The following DYM variants were observed in gnomAD, a reference collection of about 807,000 sequenced individuals.
DYM encodes the protein dyggve-Melchior-Clausen syndrome protein.
Under a neutral mutation model 93.1 loss-of-function variants are expected in DYM, and 78 were observed. The observed-to-expected ratio is 0.84, with a 90% CI of 0.70 to 1.01. The LOEUF is 1.01. Ranked by LOEUF, DYM falls within the 50% of genes least tolerant of loss-of-function variation. The probability of loss-of-function intolerance (pLI) is 0.00; values close to 1 mark genes in which losing one functional copy is unlikely to be tolerated. For synonymous variants in DYM, 321 were observed against 319.7 expected (o/e 1.00, Z -0.04); for missense variants, 789 against 845.0 (o/e 0.93, Z 0.82).
intron 13 of DYM, among the ~76,000 whole-genome samples, chr18:49,249,380 CAT>C (rs1006046890): frequency 2.0e-4 from 31 of 151,920 alleles, no homozygotes; most frequent in African/African-American, 6.5e-4. Context: ...TTGAATTGTG[CAT>C]GTGTGTGTGT....
chr18:49,124,459 T>C (rs890089667), intron 15 of DYM, among the ~76,000 whole-genome samples: 1 of 149,498 alleles, frequency 6.7e-6, no homozygotes, highest in African/African-American at 2.5e-5. Context: ...CAGTGAGCTA[T>C]GATCATGCCA....
intron 17 of DYM, among the ~76,000 whole-genome samples, chr18:49,063,959 AG>A (rs774962993): frequency 6.6e-6 from 1 of 152,152 alleles, no homozygotes; most frequent in Non-Finnish European, 1.5e-5. Flanking sequence ...CCTAAGAGAA[AG>A]GGGTGAGTTT....
intron 1 of DYM, among the ~76,000 whole-genome samples, chr18:49,455,210 A>G (rs2082879713): frequency 6.6e-6 from 1 of 152,136 alleles, no homozygotes; most frequent in African/African-American, 2.4e-5. Context: ...TACACTTACA[A>G]TCCAAAATAT....
intron 2 of DYM, among the ~76,000 whole-genome samples, chr18:49,428,304 AAAAG>A (rs1427440659): frequency 6.6e-6 from 1 of 152,088 alleles, no homozygotes; most frequent in Admixed American, 6.6e-5. Flanking sequence ...AGAAGAAAAA[AAAAG>A]AAAGAAGCCA....
rs1214670210 is a variant in DYM at position 49,440,494 on chromosome 18, AAT to A, written c.-53-10049_-53-10048del. Among the ~76,000 whole-genome samples, 2 of 81,190 alleles carry A rather than the reference AAT, an allele frequency of 2.5e-5. 1 individual carries two copies. Among genetic ancestry groups the A allele is most frequent in the East Asian group, 9.4e-4 (2 of 2,124 alleles). 53.3% of individuals were successfully genotyped at this position (81,190 alleles called of 152,430 possible). ...ATGACTATATATTATATATTTATAT[AAT>A]ATATGACTATATATTATATATTTAT... On this transcript the variant is annotated intron_variant, in intron 1 of 17. Transcript: ENST00000675505.
At chr18:49,448,799 G>A (rs902388841) in intron 1 of DYM, among the ~76,000 whole-genome samples, 5 of 152,198 alleles carry the variant, frequency 3.3e-5, no homozygotes, top group Admixed American at 6.5e-5. Flanking sequence ...CTTTGACCCT[G>A]AAACTTTAAA....
Position 49,231,397 on chromosome 18 carries a change from T to A in DYM, c.1461-21682A>T, listed in dbSNP as rs558539741. ...GAGAACAAAACACAGAACCTGAAAA[T>A]GATTGCTTTAAAGTAAAAGGTATCA... On this transcript the variant is annotated intron_variant, in intron 13 of 17. Coordinates refer to ENST00000675505, the MANE Select transcript of DYM (RefSeq NM_001353214.3). Among the ~76,000 whole-genome samples, 5 of 152,196 alleles carry A rather than the reference T, an allele frequency of 3.3e-5. 1 individual carries two copies. Among genetic ancestry groups the A allele is most frequent in the Non-Finnish European group, 5.9e-5 (4 of 68,016 alleles).
chr18:49,155,728 C>T (rs551570807), intron 15 of DYM, among the ~76,000 whole-genome samples: 7 of 152,292 alleles, frequency 4.6e-5, no homozygotes, highest in South Asian at 2.1e-4. Context: ...TCCTTTTTAT[C>T]GTATGATGCA....
intron 1 of DYM, among the ~76,000 whole-genome samples, chr18:49,449,092 C>G (rs1225573404): frequency 6.6e-6 from 1 of 152,206 alleles, no homozygotes; most frequent in East Asian, 1.9e-4. Flanking sequence ...CTTACCTCTA[C>G]AGGAAATGCC....
chr18:49,249,053 T>G (rs1034358638), intron 13 of DYM, among the ~76,000 whole-genome samples: 2 of 152,190 alleles, frequency 1.3e-5, no homozygotes, highest in East Asian at 3.9e-4. Context: ...GAACTGTCTG[T>G]TCCAGATCAA....
chr18:49,420,256 C>T (rs1312253258), intron 2 of DYM, among the ~76,000 whole-genome samples: 4 of 151,310 alleles, frequency 2.6e-5, no homozygotes, highest in African/African-American at 9.7e-5. Context: ...CAAGCTCTGC[C>T]GCGCGGGTTC....
At chr18:49,083,613 G>A (rs1281331144) in intron 17 of DYM, among the ~76,000 whole-genome samples, 3 of 152,156 alleles carry the variant, frequency 2.0e-5, no homozygotes, top group Non-Finnish European at 4.4e-5. Flanking sequence ...ATTTACCAGT[G>A]AAGACATATG....
At chr18:49,251,688 G>A (rs965345803) in intron 13 of DYM, among the ~76,000 whole-genome samples, 3 of 152,074 alleles carry the variant, frequency 2.0e-5, no homozygotes, top group Non-Finnish European at 4.4e-5. Flanking sequence ...AGCTGCTGCC[G>A]CTCCCGTCTT....
At chr18:49,114,468 C>T (rs2081739619) in intron 16 of DYM, 1 of 831,692 alleles carries the variant, frequency 1.2e-6, no homozygotes, top group Non-Finnish European at 1.4e-6. Context: ...AACTTAACAT[C>T]CTGCTTTTAC....
intron 16 of DYM, among the ~76,000 whole-genome samples, chr18:49,105,436 T>A (rs1225461204): frequency 6.6e-6 from 1 of 152,222 alleles, no homozygotes; most frequent in Non-Finnish European, 1.5e-5. Context: ...TAGTTATTTC[T>A]TGCCTTCTGC....
chr18:49,256,944 C>T, intron 13 of DYM, 66 bp downstream of exon 13: 1 of 1,334,688 alleles, frequency 7.5e-7, no homozygotes, highest in East Asian at 2.3e-5. Context: ...AAAGGAACCA[C>T]CATAGTATCC....
intron 1 of DYM, among the ~76,000 whole-genome samples, chr18:49,441,108 AATATAAATATATTATATATTT>A (rs1398758301): frequency 8.2e-3 from 59 of 7,202 alleles, no homozygotes; most frequent in African/African-American, 0.018. Context: ...AATATATATT[AATATAAATATATTATATATTT>A]ATATAAATAT....
At chr18:49,308,925 C>T (rs2061427444) in intron 8 of DYM, among the ~76,000 whole-genome samples, 1 of 152,072 alleles carries the variant, frequency 6.6e-6, no homozygotes, top group African/African-American at 2.4e-5. Context: ...CAACCATAGG[C>T]TGAAGGCTAA....
intron 17 of DYM, among the ~76,000 whole-genome samples, chr18:49,075,580 G>T (rs2077233496): frequency 1.3e-5 from 2 of 152,166 alleles, no homozygotes; most frequent in Admixed American, 6.5e-5. Flanking sequence ...ACACATTTCT[G>T]GATCCTTGCT....
Sources: allele counts gnomAD v4.1 joint callset (sites outside exome capture counted in the v4.1 genomes callset), GRCh38; gene constraint gnomAD v4.1.1; transcripts MANE v1.5; gene names NCBI Gene and HGNC (gene_info 2026-07-23, HGNC 2026-07-21).